The following CDCP2 variants were observed in gnomAD, a reference collection of about 807,000 sequenced individuals.
CDCP2 encodes CUB domain-containing protein 2.
In CDCP2, 31 loss-of-function variants were observed where a neutral mutation model predicts 31.0. The observed-to-expected ratio is 1.00, with a 90% CI of 0.75 to 1.35. CDCP2 has a LOEUF of 1.35. CDCP2 is among the 40% of genes most tolerant of loss of function. The pLI, the probability that CDCP2 is intolerant of heterozygous loss-of-function variation, is 0.00. For missense variants in CDCP2, 443 were observed against 482.6 expected (o/e 0.92, Z 0.77); for synonymous variants, 206 against 207.9 (o/e 0.99, Z 0.08).
At chr1:54,149,470 G>A (rs1659538133) in intron 1 of CDCP2, among the ~76,000 whole-genome samples, 1 of 149,302 alleles carries the variant, frequency 6.7e-6, no homozygotes. Flanking sequence ...GGGGACGTAG[G>A]GATTCATTGT....
At position 54,146,301 on chromosome 1, in the gene CDCP2, T is replaced by G. The variant is rs113298468; in HGVS notation, c.80-1488A>C. Among the ~76,000 whole-genome samples the G allele has an allele frequency of 7.3e-5, 11 of 151,424 alleles. 1 individual carries two copies. Among genetic ancestry groups the G allele is most frequent in the African/African-American group, 2.7e-4 (11 of 40,954 alleles). ...TTCAAGCGATTCTCATGCCTCAGCCTCCCAAGTAGCTGGAATTACAGGTGC... is the reference window on the plus strand; with the variant it reads ...TTCAAGCGATTCTCATGCCTCAGCCGCCCAAGTAGCTGGAATTACAGGTGC... On this transcript the variant is annotated intron_variant, in intron 1 of 5. Coordinates refer to ENST00000530059, the Ensembl canonical transcript of CDCP2.
At chr1:54,141,399 C>T in exon 3 of CDCP2, 1 of 1,612,338 alleles carries the variant, frequency 6.2e-7, no homozygotes. Context: ...TGGTGAGGAC[C>T]CCTGACAGGC....
At chr1:54,136,767 T>A (rs1347666680) in exon 5 of CDCP2, 3 of 399,046 alleles carry the variant, frequency 7.5e-6, no homozygotes, top group Non-Finnish European at 1.3e-5. Flanking sequence ...GAGATCAGGA[T>A]CTGGAAGTCC....
chr1:54,151,402 G>T (rs1659581576), intron 1 of CDCP2, among the ~76,000 whole-genome samples: 1 of 152,144 alleles, frequency 6.6e-6, no homozygotes, highest in Non-Finnish European at 1.5e-5. Context: ...GCCTGTTATT[G>T]TCCTTCTCCC....
At chr1:54,147,075 CAAAAAAAAAAAAAAAAAA>C (rs71066904) in intron 1 of CDCP2, among the ~76,000 whole-genome samples, 1 of 56,872 alleles carries the variant, frequency 1.8e-5, no homozygotes, top group Non-Finnish European at 2.9e-5. Flanking sequence ...GACTCCATCT[CAAAAAAAAAAAAAAAAAA>C]AAAAAAAAAA....
At chr1:54,144,783 G>C (rs1452888595) in exon 2 of CDCP2, 3 of 1,613,654 alleles carry the variant, frequency 1.9e-6, no homozygotes, top group East Asian at 4.5e-5. Flanking sequence ...GTTTCCAGAA[G>C]GTGCTGAGAG....
chr1:54,133,234 G>A lies in CDCP2; in HGVS notation c.1357C>T (p.Arg453Trp), dbSNP rs138274681. ...ACCTCGTACTCATGGATGTCCTCCC[G>A]CCCCGCGGCTGAGAAGTCGATGTAC... The change falls in exon 6 of 6, where the codon CGG (arginine) becomes TGG (tryptophan). Residue 453 changes from arginine (R) to tryptophan (W), a missense_variant. Coordinates refer to ENST00000530059, the Ensembl canonical transcript of CDCP2. The A allele has an allele frequency of 1.4e-3, 577 of 399,112 alleles. 3 individuals are homozygous for A. Among genetic ancestry groups the A allele is most frequent in the Admixed American group, 3.6e-3 (83 of 22,740 alleles). The allele number at this position is 399,112 out of a possible 1,614,324, so 24.7% of individuals were successfully genotyped here.
exon 4 of CDCP2, chr1:54,140,010 A>T (rs781167175): frequency 6.2e-7 from 1 of 1,614,000 alleles, no homozygotes; most frequent in South Asian, 1.1e-5. Context: ...GGGCAGGCGG[A>T]TGGTCCAGTG....
At chr1:54,152,191 C>T (rs763493153) in intron 1 of CDCP2, among the ~76,000 whole-genome samples, 8 of 152,068 alleles carry the variant, frequency 5.3e-5, no homozygotes, top group Admixed American at 3.3e-4. Flanking sequence ...AGGCTGGGTG[C>T]GGTGGCTCAT....
At position 54,144,815 on chromosome 1, in the gene CDCP2, TG is replaced by T; in HGVS notation, c.80-3del. 1 of 1,604,804 alleles carries T rather than the reference TG, an allele frequency of 6.2e-7. No homozygotes were observed. The highest frequency in any genetic ancestry group is 8.5e-7 in the Non-Finnish European group (1 of 1,174,414). ...AGAGCACACCCCCACATTTGACACC[TG>T]GGGCAAGAGAGAAGTATGGCTGAGA... is the stretch of plus-strand genomic sequence containing the variant. On this transcript the variant is annotated splice_polypyrimidine_tract_variant and splice_region_variant and intron_variant, in intron 1 of 5. Transcript: ENST00000530059.
At position 54,141,084 on chromosome 1, in the gene CDCP2, C is replaced by T; in HGVS notation, c.763+14G>A. ...GCACAGGAGGATTCAGGGTGGAGCG[C>T]CAGCCCCTCCTACCTGAGAAGTAGT... On this transcript the variant is annotated intron_variant, in intron 3 of 5. Coordinates refer to ENST00000530059, the Ensembl canonical transcript of CDCP2. 3.3e-6 allele frequency: 5 copies of T among 1,515,714 alleles called. No individual in the cohort carries two copies. In the South Asian group the frequency reaches 6.7e-5, roughly 20 times the overall value. The allele number at this position is 1,515,714 out of a possible 1,614,324, so 93.9% of individuals were successfully genotyped here.
chr1:54,147,912 TGA>T (rs760768300), intron 1 of CDCP2, among the ~76,000 whole-genome samples: 7 of 151,500 alleles, frequency 4.6e-5, no homozygotes, highest in Non-Finnish European at 5.9e-5. Context: ...CTTGGGAGGC[TGA>T]GGCAGGAGGA....
chr1:54,139,517 A>G, intron 4 of CDCP2: 2 of 1,611,488 alleles, frequency 1.2e-6, no homozygotes, highest in Non-Finnish European at 1.7e-6. Context: ...AGGACTCACG[A>G]AGTTAGAAGC....
intron 1 of CDCP2, 67 bp from the exon 2 acceptor site, chr1:54,144,880 T>A: frequency 8.0e-7 from 1 of 1,248,986 alleles, no homozygotes; most frequent in Non-Finnish European, 1.1e-6. Flanking sequence ...GTAAGGGCAG[T>A]GGGCCCAGCT....
intron 1 of CDCP2, among the ~76,000 whole-genome samples, chr1:54,149,826 G>A (rs1286213033): frequency 6.6e-6 from 1 of 152,226 alleles, no homozygotes; most frequent in Non-Finnish European, 1.5e-5. Flanking sequence ...GAATGAATGA[G>A]TGAGTGAATA....
chr1:54,148,119 A>C (rs1406915601), intron 1 of CDCP2, among the ~76,000 whole-genome samples: 3 of 151,942 alleles, frequency 2.0e-5, no homozygotes, highest in Non-Finnish European at 4.4e-5. Context: ...CTGAGTAAAA[A>C]GTTGATGAAA....
chr1:54,133,922 C>A (rs651402), intron 5 of CDCP2, among the ~76,000 whole-genome samples: 30,459 of 148,456 alleles, frequency 0.21, 4,216 homozygotes, highest in African/African-American at 0.37. Flanking sequence ...ACAAAAAAAA[C>A]CCCATGTTAC....
exon 4 of CDCP2, chr1:54,139,762 A>G: frequency 6.2e-7 from 1 of 1,614,232 alleles, no homozygotes; most frequent in Non-Finnish European, 8.5e-7. Flanking sequence ...CCTCCGATGT[A>G]GGCCACAGAG....
At chr1:54,152,265 AC>A (rs1366720831) in intron 1 of CDCP2, among the ~76,000 whole-genome samples, 1 of 152,160 alleles carries the variant, frequency 6.6e-6, no homozygotes, top group Non-Finnish European at 1.5e-5. Context: ...GGAGTTCGAG[AC>A]CAGCATGACC....
Sources: allele counts gnomAD v4.1 joint callset (sites outside exome capture counted in the v4.1 genomes callset), GRCh38; gene constraint gnomAD v4.1.1; transcripts MANE v1.5; gene names NCBI Gene and HGNC (gene_info 2026-07-23, HGNC 2026-07-21).